Variants in ACER3 observed in about 807,000 individuals in gnomAD.
ACER3 encodes the protein alkaline ceramidase 3.
Under a neutral mutation model 48.9 loss-of-function variants are expected in ACER3, and 16 were observed. The ratio of observed to expected loss-of-function variants is 0.33; its 90% CI spans 0.22 to 0.50. The LOEUF (loss-of-function observed/expected upper bound fraction) is 0.50. Among genes scored for constraint, ACER3 ranks in the 20% least tolerant of loss-of-function variants. The pLI is 0.98. For missense variants in ACER3, 227 were observed against 326.0 expected (o/e 0.70, Z 2.34); for synonymous variants, 109 against 107.8 (o/e 1.01, Z -0.07).
chr11:76,935,729 C>T (rs1947160378), intron 2 of ACER3, among the ~76,000 whole-genome samples: 1 of 152,208 alleles, frequency 6.6e-6, no homozygotes, highest in South Asian at 2.1e-4. Context: ...GATGAATCTA[C>T]TATTACTGCA....
chr11:76,862,469 C>G (rs759652461), intron 1 of ACER3, among the ~76,000 whole-genome samples: 2 of 152,106 alleles, frequency 1.3e-5, no homozygotes, highest in Non-Finnish European at 2.9e-5. Flanking sequence ...CACATGTTGG[C>G]AAAGGAAGCG....
chr11:76,897,636 C>G (rs778191659), intron 1 of ACER3, among the ~76,000 whole-genome samples: 12 of 152,102 alleles, frequency 7.9e-5, no homozygotes, highest in Non-Finnish European at 1.5e-4. Flanking sequence ...GTGGTAGATG[C>G]AAGTTTTCCA....
At chr11:76,958,567 T>G (rs1209370675) in intron 2 of ACER3, among the ~76,000 whole-genome samples, 3 of 152,212 alleles carry the variant, frequency 2.0e-5, no homozygotes, top group Non-Finnish European at 4.4e-5. Context: ...CAGTCATAGC[T>G]CTGATAACCA....
chr11:76,946,587 G>A (rs904887879), intron 2 of ACER3, among the ~76,000 whole-genome samples: 12 of 152,170 alleles, frequency 7.9e-5, no homozygotes, highest in Non-Finnish European at 1.5e-4. Context: ...AGCAGTGTGA[G>A]CTAGAGGCTC....
intron 7 of ACER3, among the ~76,000 whole-genome samples, chr11:77,002,744 C>T (rs1316616860): frequency 6.6e-6 from 1 of 152,070 alleles, no homozygotes; most frequent in African/African-American, 2.4e-5. Context: ...TTTTTTGGGG[C>T]ATTTTAAAAT....
At chr11:76,874,970 C>T (rs1414132705) in intron 1 of ACER3, among the ~76,000 whole-genome samples, 1 of 152,148 alleles carries the variant, frequency 6.6e-6, no homozygotes, top group Non-Finnish European at 1.5e-5. Context: ...TAACTGCATT[C>T]TCTGAGTCAG....
intron 1 of ACER3, among the ~76,000 whole-genome samples, chr11:76,903,100 T>A (rs1216607319): frequency 6.6e-6 from 1 of 152,206 alleles, no homozygotes; most frequent in Non-Finnish European, 1.5e-5. Flanking sequence ...TTAATTTTTT[T>A]ATATTTCCAA....
intron 2 of ACER3, among the ~76,000 whole-genome samples, chr11:76,932,783 C>A (rs752648294): frequency 4.6e-5 from 7 of 152,130 alleles, no homozygotes; most frequent in Non-Finnish European, 1.0e-4. Flanking sequence ...TCCAACAGAA[C>A]TGTTTTCAGT....
At chr11:76,901,101 G>A (rs528495745) in intron 1 of ACER3, among the ~76,000 whole-genome samples, 5 of 152,076 alleles carry the variant, frequency 3.3e-5, no homozygotes, top group East Asian at 3.9e-4. Flanking sequence ...CTTTCATAGC[G>A]TTGACAATGT....
chr11:76,927,528 A>C (rs1275772284), intron 2 of ACER3, among the ~76,000 whole-genome samples: 2 of 151,982 alleles, frequency 1.3e-5, no homozygotes, highest in African/African-American at 4.8e-5. Context: ...GTTACATATG[A>C]ATACATGTGC....
At chr11:77,003,942 G>A (rs180860295) in intron 7 of ACER3, among the ~76,000 whole-genome samples, 2 of 152,226 alleles carry the variant, frequency 1.3e-5, no homozygotes, top group East Asian at 3.9e-4. Flanking sequence ...ATTTGTTGAG[G>A]TTTGTATTAT....
chr11:76,867,261 G>A (rs1284801927), intron 1 of ACER3, among the ~76,000 whole-genome samples: 2 of 151,912 alleles, frequency 1.3e-5, no homozygotes, highest in South Asian at 2.1e-4. Flanking sequence ...TTGAGGTCAC[G>A]AGTTGGAGAC....
At chr11:76,934,733 A>G (rs1014516772) in intron 2 of ACER3, among the ~76,000 whole-genome samples, 2 of 150,954 alleles carry the variant, frequency 1.3e-5, no homozygotes, top group Non-Finnish European at 2.9e-5. Flanking sequence ...CCGTGGAAAG[A>G]GAGGGAGAGG....
rs985959367 is a variant in ACER3 at position 76,882,142 on chromosome 11, C to T, written c.103+21063C>T. 2.0e-5 allele frequency among the ~76,000 whole-genome samples: 3 copies of T among 151,676 alleles called. No homozygotes were observed. The South Asian group carries it at 6.2e-4, about 32-fold the overall frequency. Reference sequence around the variant, plus strand: ...GCCTCAGCCTCCCGAGTAGCTGGGACTACAGGCGCCCGCCACCACGCCCGG... The same window carrying T: ...GCCTCAGCCTCCCGAGTAGCTGGGATTACAGGCGCCCGCCACCACGCCCGG... On this transcript the variant is annotated intron_variant, in intron 1 of 10. Coordinates refer to ENST00000532485, the MANE Select transcript of ACER3 (RefSeq NM_018367.7).
intron 9 of ACER3, among the ~76,000 whole-genome samples, chr11:77,018,681 T>C (rs1311879208): frequency 1.3e-5 from 2 of 152,226 alleles, no homozygotes; most frequent in Non-Finnish European, 2.9e-5. Context: ...TTATTTCTGA[T>C]GTGTAGAAAT....
At chr11:76,905,653 A>G (rs1331794302) in intron 1 of ACER3, among the ~76,000 whole-genome samples, 1 of 152,242 alleles carries the variant, frequency 6.6e-6, no homozygotes, top group Non-Finnish European at 1.5e-5. Flanking sequence ...ATTGTTTAAC[A>G]AAAACATAGG....
rs1948779881 is a variant in ACER3 at position 76,990,584 on chromosome 11, TG to T, written c.438+11del. ...GCCGATATTCCATCAGGTAATTTTTTGTAAATTATTACACATTAGATTGTTT... is the reference window on the plus strand; with the variant it reads ...GCCGATATTCCATCAGGTAATTTTTTTAAATTATTACACATTAGATTGTTT... On this transcript the variant is annotated intron_variant, in intron 6 of 10. Transcript: ENST00000532485. 2.8e-6 allele frequency: 4 copies of T among 1,435,750 alleles called. No individual in the cohort carries two copies. Among genetic ancestry groups the T allele is most frequent in the Non-Finnish European group, 3.9e-6 (4 of 1,019,968 alleles). The allele number at this position is 1,435,750 out of a possible 1,614,324, so 88.9% of individuals were successfully genotyped here.
intron 2 of ACER3, among the ~76,000 whole-genome samples, chr11:76,955,907 C>T (rs1947828052): frequency 6.6e-6 from 1 of 152,120 alleles, no homozygotes. Context: ...CATAAATGAA[C>T]CTTGGAAACA....
chr11:76,965,720 T>C (rs1172885709), intron 3 of ACER3, among the ~76,000 whole-genome samples: 1 of 150,844 alleles, frequency 6.6e-6, no homozygotes, highest in Admixed American at 6.6e-5. Context: ...GCTTCATAAG[T>C]GAAGGAGAAA....
Sources: gnomAD v4.1 joint callset for allele counts (sites outside exome capture counted in the v4.1 genomes callset) on GRCh38, gnomAD v4.1.1 for gene constraint, MANE v1.5 for transcripts, NCBI Gene and HGNC (gene_info 2026-07-23, HGNC 2026-07-21) for gene names.